HEPHL1: variants seen among roughly 807,000 people sequenced by gnomAD.
HEPHL1 encodes ferroxidase HEPHL1.
In HEPHL1, 123 loss-of-function variants were observed where a neutral mutation model predicts 122.0. That is an observed-to-expected ratio of 1.01 (90% CI 0.87 to 1.17). HEPHL1 has a LOEUF of 1.17. Among genes scored for constraint, HEPHL1 ranks in the 50% most tolerant of loss-of-function variants. HEPHL1 has a pLI of 0.00. For missense variants in HEPHL1, 1,452 were observed against 1,430.5 expected, an observed-to-expected ratio of 1.01 and a Z score of -0.24; for synonymous variants, 527 against 508.9, an observed-to-expected ratio of 1.04 and a Z score of -0.48.
rs1224145626 is a variant in HEPHL1, at chr11:94,045,758, A to T, written c.256A>T (p.Thr86Ser). Residue 86 changes from threonine (T) to serine (S), a missense_variant, in exon 2 of 20, where the codon ACC becomes TCC. Thr to Ser is a moderately conservative substitution (Grantham distance 58). Coordinates refer to ENST00000315765, the MANE Select transcript of HEPHL1 (RefSeq NM_001098672.2). ...KAVYRRFTDG[T>S]YSIEIPKPPW... ...TGTTTACAGACGCTTCACGGATGGA[A>T]CCTACTCCATAGAGATCCCCAAACC... is the stretch of plus-strand genomic sequence containing the variant. 1 of 1,613,868 alleles carries T rather than the reference A, an allele frequency of 6.2e-7. No individual in the cohort carries two copies. Among genetic ancestry groups the T allele is most frequent in the Admixed American group, 1.7e-5 (1 of 59,972 alleles).
intron 11 of HEPHL1, 110 bp downstream of exon 11, chr11:94,086,299 A>T (rs1046826111): frequency 8.0e-6 from 6 of 752,762 alleles, no homozygotes; most frequent in African/African-American, 5.2e-5. Flanking sequence ...CAAGTGGTGT[A>T]GAAATAGATA....
chr11:94,111,235 A>G (rs1446624934), intron 18 of HEPHL1, among the ~76,000 whole-genome samples, 170 bp downstream of exon 18: 1 of 152,242 alleles, frequency 6.6e-6, no homozygotes, highest in African/African-American at 2.4e-5. Flanking sequence ...GTGCCGTAGC[A>G]GAATGCAGAG....
At chr11:94,098,068 C>G (rs1184199217) in intron 13 of HEPHL1, among the ~76,000 whole-genome samples, 3 of 152,254 alleles carry the variant, frequency 2.0e-5, no homozygotes, top group Middle Eastern at 6.8e-3. Context: ...ATGATGTTAG[C>G]TGGTTATTTC....
intron 12 of HEPHL1, among the ~76,000 whole-genome samples, chr11:94,090,816 G>GCTAT (rs1241638752): frequency 6.6e-6 from 1 of 152,096 alleles, no homozygotes; most frequent in Non-Finnish European, 1.5e-5. Flanking sequence ...GTGGGTACAG[G>GCTAT]CTATCCCTGA....
chr11:94,051,780 G>T, intron 2 of HEPHL1, among the ~76,000 whole-genome samples: 1 of 151,982 alleles, frequency 6.6e-6, no homozygotes, highest in East Asian at 1.9e-4. Flanking sequence ...AGGTCTTAAA[G>T]TTTTTAATCC....
chr11:94,035,284 G>C (rs1444123291), intron 1 of HEPHL1, among the ~76,000 whole-genome samples: 1 of 152,148 alleles, frequency 6.6e-6, no homozygotes, highest in East Asian at 1.9e-4. Context: ...AGGTAACAAT[G>C]GCTTTGTTCC....
intron 2 of HEPHL1, among the ~76,000 whole-genome samples, chr11:94,063,039 A>G (rs543229362): frequency 6.6e-6 from 1 of 152,320 alleles, no homozygotes; most frequent in East Asian, 1.9e-4. Flanking sequence ...CCCCAGAGGC[A>G]GGAAGAATGT....
chr11:94,111,082 G>T lies in HEPHL1; in HGVS notation c.3208+17G>T, dbSNP rs1437396756. 5 of 1,550,654 alleles carry T rather than the reference G, an allele frequency of 3.2e-6. No homozygotes were observed. Among genetic ancestry groups the T allele is most frequent in the Non-Finnish European group, 4.4e-6 (5 of 1,142,914 alleles). ...GTAACATAGGTACGGTTGTCTGTCA[G>T]TGATGCCAGATGATGGCACCGAGCT... On this transcript the variant is annotated intron_variant, in intron 18 of 19. Coordinates refer to ENST00000315765, the MANE Select transcript of HEPHL1 (RefSeq NM_001098672.2).
intron 2 of HEPHL1, among the ~76,000 whole-genome samples, chr11:94,058,932 A>G (rs1331896847): frequency 6.6e-6 from 1 of 152,158 alleles, no homozygotes; most frequent in Non-Finnish European, 1.5e-5. Context: ...CTGATTCTTT[A>G]CATATTCACT....
At chr11:94,034,462 A>G (rs1353399983) in intron 1 of HEPHL1, among the ~76,000 whole-genome samples, 1 of 152,226 alleles carries the variant, frequency 6.6e-6, no homozygotes, top group Non-Finnish European at 1.5e-5. Context: ...GAGGAAATGA[A>G]GATGAAGCCC....
At chr11:94,033,135 GC>G (rs1256860537) in intron 1 of HEPHL1, among the ~76,000 whole-genome samples, 1 of 152,142 alleles carries the variant, frequency 6.6e-6, no homozygotes, top group African/African-American at 2.4e-5. Context: ...TTCCAAGGGT[GC>G]TTTCCTTCCT....
At chr11:94,070,882 G>A (rs548837850) in intron 6 of HEPHL1, among the ~76,000 whole-genome samples, 1 of 152,250 alleles carries the variant, frequency 6.6e-6, no homozygotes, top group South Asian at 2.1e-4. Flanking sequence ...CACATATGGA[G>A]CAGACAGTCT....
At chr11:94,110,077 T>C (rs1189373865) in intron 17 of HEPHL1, among the ~76,000 whole-genome samples, 1 of 152,218 alleles carries the variant, frequency 6.6e-6, no homozygotes, top group African/African-American at 2.4e-5. Flanking sequence ...AAGGGATTTG[T>C]TCATACCATC....
chr11:94,029,800 C>G (rs1175064788), intron 1 of HEPHL1, among the ~76,000 whole-genome samples: 1 of 152,144 alleles, frequency 6.6e-6, no homozygotes, highest in Admixed American at 6.5e-5. Flanking sequence ...TGCTCCAGTC[C>G]CTACAGGGAC....
chr11:94,075,705 T>C (rs1291997593), intron 9 of HEPHL1, among the ~76,000 whole-genome samples: 3 of 152,146 alleles, frequency 2.0e-5, no homozygotes, highest in Admixed American at 6.6e-5. Flanking sequence ...ATTATTCTTC[T>C]TGGACAAGGT....
intron 6 of HEPHL1, 45 bp from the exon 7 acceptor site, chr11:94,072,980 G>A (rs1224841585): frequency 1.3e-6 from 2 of 1,566,234 alleles, no homozygotes; most frequent in Non-Finnish European, 1.7e-6. Context: ...GTATTTGGTG[G>A]ATATGTTGAG....
At chr11:94,100,634 A>G (rs547056030) in intron 13 of HEPHL1, among the ~76,000 whole-genome samples, 8 of 152,340 alleles carry the variant, frequency 5.3e-5, no homozygotes, top group East Asian at 3.9e-4. Flanking sequence ...ACTCTTTCAG[A>G]TTCCTTTTAC....
intron 1 of HEPHL1, among the ~76,000 whole-genome samples, chr11:94,043,116 A>G (rs556834261): frequency 6.6e-6 from 1 of 152,146 alleles, no homozygotes; most frequent in Non-Finnish European, 1.5e-5. Flanking sequence ...TGAATGATTG[A>G]ATTCTTGGAA....
chr11:94,086,115 G>A lies in HEPHL1; in HGVS notation c.2006G>A (p.Arg669Gln), dbSNP rs778020457. The change falls in exon 11 of 20, where the codon CGA (arginine) becomes CAA (glutamine). Residue 669 changes from arginine (R) to glutamine (Q), a missense_variant. By Grantham distance (43) the Arg-to-Gln change is conservative. Coordinates refer to ENST00000315765, the MANE Select transcript of HEPHL1 (RefSeq NM_001098672.2). ...TTTCAAGGGAACACCATCCACCTACGAGGGACTCACCGAGACTCCCTGGCC... is the reference window on the plus strand; with the variant it reads ...TTTCAAGGGAACACCATCCACCTACAAGGGACTCACCGAGACTCCCTGGCC... Reference protein sequence around the residue: ...IVFQGNTIHLRGTHRDSLALF... With the variant: ...IVFQGNTIHLQGTHRDSLALF... 10 of 1,613,358 alleles carry A rather than the reference G, an allele frequency of 6.2e-6. No individual in the cohort carries two copies. Among genetic ancestry groups the A allele is most frequent in the African/African-American group, 1.3e-5 (1 of 74,864 alleles).
Sources: gnomAD v4.1 joint callset for allele counts (sites outside exome capture counted in the v4.1 genomes callset) on GRCh38, gnomAD v4.1.1 for gene constraint, MANE v1.5 for transcripts, NCBI Gene and HGNC (gene_info 2026-07-23, HGNC 2026-07-21) for gene names.